Variants in TCF12 observed in about 807,000 individuals in gnomAD.
TCF12 encodes transcription factor 12.
A neutral mutation model predicts 86.0 loss-of-function variants in TCF12; 45 were observed. The ratio of observed to expected loss-of-function variants is 0.52; its 90% CI spans 0.41 to 0.67. The LOEUF is 0.67. Among genes scored for constraint, TCF12 ranks in the 30% least tolerant of loss-of-function variants. The pLI, the probability that TCF12 is intolerant of heterozygous loss-of-function variation, is 0.00. For missense variants in TCF12, 881 were observed against 859.9 expected (o/e 1.02, Z -0.31); for synonymous variants, 330 against 299.6 (o/e 1.10, Z -1.05).
chr15:56,937,410 G>A lies in TCF12; in HGVS notation c.148+16312G>A, dbSNP rs150531454. On this transcript the variant is annotated intron_variant, in intron 3 of 20. Coordinates refer to ENST00000333725, the MANE Select transcript of TCF12 (RefSeq NM_207037.2). ...GTCATTCTGTCTCCTCGGTTGGAGT[G>A]TAGTGGCGTGATCTTGGCTCACTGC... Among the ~76,000 whole-genome samples the A allele has an allele frequency of 5.0e-3, 755 of 151,776 alleles. 9 individuals are homozygous for A. Among genetic ancestry groups the A allele is most frequent in the African/African-American group, 0.018 (730 of 41,386 alleles).
At chr15:57,111,335 G>A (rs538712588) in intron 5 of TCF12, among the ~76,000 whole-genome samples, 14 of 152,094 alleles carry the variant, frequency 9.2e-5, no homozygotes, top group African/African-American at 2.6e-4. Flanking sequence ...GAAAAATTTC[G>A]GGATCACTGT....
rs115830936 is a variant in TCF12 at position 56,991,837 on chromosome 15, T to C, written c.148+70739T>C. 4.8e-3 allele frequency among the ~76,000 whole-genome samples: 730 copies of C among 152,290 alleles called. 8 individuals are homozygous for C. The highest frequency in any genetic ancestry group is 0.017 in the African/African-American group (699 of 41,548). ...ATAATTATCATCATTGATTAATACA[T>C]TGTACAAGGGTTAACTGTCTTTTAA... On this transcript the variant is annotated intron_variant, in intron 3 of 20. Coordinates refer to ENST00000333725, the MANE Select transcript of TCF12 (RefSeq NM_207037.2).
intron 4 of TCF12, among the ~76,000 whole-genome samples, chr15:57,075,792 T>TCTCTCTCTCTCTCTC (rs1567370227): frequency 2.8e-5 from 1 of 35,092 alleles, no homozygotes; most frequent in African/African-American, 1.0e-4. Flanking sequence ...CTTTCTTTCT[T>TCTCTCTCTCTCTCTC]TCTTTCTTTC....
chr15:57,285,550 T>G (rs1253277272), intron 20 of TCF12, among the ~76,000 whole-genome samples: 1 of 152,172 alleles, frequency 6.6e-6, no homozygotes, highest in Non-Finnish European at 1.5e-5. Context: ...GCTCTCAGTT[T>G]AGATGAAATA....
At chr15:57,164,151 T>TTG (rs2054694920) in intron 5 of TCF12, among the ~76,000 whole-genome samples, 1 of 152,118 alleles carries the variant, frequency 6.6e-6, no homozygotes, top group Non-Finnish European at 1.5e-5. Flanking sequence ...TTTAGTATAT[T>TTG]GAATACAAAT....
At chr15:57,233,029 G>GTGT (rs1263659611) in intron 11 of TCF12, among the ~76,000 whole-genome samples, 173 bp downstream of exon 11, 2 of 118,148 alleles carry the variant, frequency 1.7e-5, no homozygotes, top group African/African-American at 5.0e-5. Flanking sequence ...GTATATATGT[G>GTGT]TGTATATATG....
chr15:57,092,100 G>A (rs2049028572), intron 5 of TCF12: 1 of 413,072 alleles, frequency 2.4e-6, no homozygotes, highest in Non-Finnish European at 4.3e-6. Flanking sequence ...TTGTTTTGGT[G>A]TCAAAAAAAG....
rs1380335795 is a variant in TCF12, at chr15:57,231,277, T to G, written c.685+20T>G. 1 of 1,499,542 alleles carries G rather than the reference T, an allele frequency of 6.7e-7. No homozygotes were observed. 92.9% of individuals were successfully genotyped at this position (1,499,542 alleles called of 1,614,324 possible). A position where few individuals can be genotyped will look rare whatever the true frequency, so the allele number is the denominator to read the frequency against. On this transcript the variant is annotated intron_variant, in intron 9 of 20. Transcript: ENST00000333725. ...TGCAAGGTAAGTACTACCAAACAATTGCCAAATACTACTGCAGTCATCTGT... is the reference window on the plus strand; with the variant it reads ...TGCAAGGTAAGTACTACCAAACAATGGCCAAATACTACTGCAGTCATCTGT...
chr15:56,995,061 A>G (rs916849290), intron 3 of TCF12, among the ~76,000 whole-genome samples: 2 of 151,992 alleles, frequency 1.3e-5, no homozygotes, highest in Non-Finnish European at 2.9e-5. Context: ...TTGATTCCAA[A>G]TAGACCCTGA....
intron 3 of TCF12, among the ~76,000 whole-genome samples, chr15:57,004,703 C>T (rs1235896059): frequency 1.3e-5 from 2 of 152,106 alleles, no homozygotes; most frequent in Non-Finnish European, 2.9e-5. Context: ...GCCACCGCGA[C>T]CGACCCTATG....
At chr15:56,985,603 A>G (rs934294308) in intron 3 of TCF12, among the ~76,000 whole-genome samples, 5 of 152,192 alleles carry the variant, frequency 3.3e-5, no homozygotes, top group African/African-American at 1.2e-4. Context: ...ATAAAAATGT[A>G]TGAATAAATT....
chr15:57,006,452 C>T (rs965710758), intron 3 of TCF12, among the ~76,000 whole-genome samples: 1 of 151,920 alleles, frequency 6.6e-6, no homozygotes, highest in African/African-American at 2.4e-5. Flanking sequence ...TTACAGGCGC[C>T]TGCCACCACA....
At chr15:57,019,872 T>C (rs2065371088) in intron 3 of TCF12, among the ~76,000 whole-genome samples, 1 of 152,086 alleles carries the variant, frequency 6.6e-6, no homozygotes, top group South Asian at 2.1e-4. Flanking sequence ...TCTAACCTTG[T>C]GACCTTTCAT....
intron 3 of TCF12, among the ~76,000 whole-genome samples, chr15:57,056,097 T>C (rs1204822806): frequency 2.7e-5 from 4 of 148,302 alleles, no homozygotes; most frequent in Admixed American, 2.1e-4. Flanking sequence ...TTTCTAAATT[T>C]CAGATACTTA....
intron 3 of TCF12, among the ~76,000 whole-genome samples, chr15:56,967,313 A>G (rs1459428718): frequency 6.6e-6 from 1 of 152,140 alleles, no homozygotes; most frequent in Non-Finnish European, 1.5e-5. Flanking sequence ...AAGAAAAAAA[A>G]AAACGCTGAA....
chr15:57,043,366 A>G (rs898499219), intron 3 of TCF12, among the ~76,000 whole-genome samples: 6 of 152,024 alleles, frequency 3.9e-5, no homozygotes, highest in African/African-American at 1.4e-4. Flanking sequence ...CTGCCATACT[A>G]TTTTCCATGG....
At chr15:57,153,730 C>T (rs1395968038) in intron 5 of TCF12, among the ~76,000 whole-genome samples, 1 of 152,058 alleles carries the variant, frequency 6.6e-6, no homozygotes, top group Non-Finnish European at 1.5e-5. Flanking sequence ...AATGCTCAAT[C>T]TAAAAGCAGG....
At chr15:57,230,989 G>C (rs2059112553) in intron 8 of TCF12, among the ~76,000 whole-genome samples, 163 bp from the exon 9 acceptor site, 1 of 151,368 alleles carries the variant, frequency 6.6e-6, no homozygotes, top group Non-Finnish European at 1.5e-5. Flanking sequence ...AATTAAGTTT[G>C]ACATTATTTA....
At chr15:56,936,093 G>T (rs991688279) in intron 3 of TCF12, among the ~76,000 whole-genome samples, 2 of 152,104 alleles carry the variant, frequency 1.3e-5, no homozygotes, top group African/African-American at 4.8e-5. Context: ...GGTTGTACTA[G>T]TTTACATTCC....
Sources: gnomAD v4.1 joint callset for allele counts (sites outside exome capture counted in the v4.1 genomes callset) on GRCh38, gnomAD v4.1.1 for gene constraint, MANE v1.5 for transcripts, NCBI Gene and HGNC (gene_info 2026-07-23, HGNC 2026-07-21) for gene names.